The following CBX1 variants were observed in gnomAD, a reference collection of about 807,000 sequenced individuals.
CBX1 encodes the protein chromobox 1, also known as chromobox protein homolog 1.
CBX1 carries 10 observed loss-of-function variants against 25.1 expected under a neutral mutation model. The observed-to-expected ratio is 0.40, with a 90% confidence interval of 0.25 to 0.68. CBX1 has a LOEUF of 0.68. CBX1 is among the 30% of genes least tolerant of loss of function. The probability of loss-of-function intolerance (pLI) is 0.40; values close to 1 mark genes in which losing one functional copy is unlikely to be tolerated. For synonymous variants in CBX1, 63 were observed against 79.4 expected (o/e 0.79, Z 1.10); for missense variants, 106 against 218.5 (o/e 0.49, Z 3.25).
rs976811471 is a variant in CBX1 at position 48,101,038 on chromosome 17, C to T, written c.-38+230G>A. 45 of 985,688 alleles carry T rather than the reference C, an allele frequency of 4.6e-5. No homozygotes were observed. The African/African-American group carries it at 7.2e-4, about 16-fold the overall frequency. The allele number at this position is 985,688 out of a possible 1,614,324, so 61.1% of individuals were successfully genotyped here. A position where few individuals can be genotyped will look rare whatever the true frequency, so the allele number is the denominator to read the frequency against. ...CGGCCCACCCCCAAGCACTCAGTCTCTGGCTCAGGATTCGCGCCCCGCCCT... is the reference window on the plus strand; with the variant it reads ...CGGCCCACCCCCAAGCACTCAGTCTTTGGCTCAGGATTCGCGCCCCGCCCT... On this transcript the variant is annotated intron_variant, in intron 1 of 4. Coordinates refer to ENST00000225603, the MANE Select transcript of CBX1 (RefSeq NM_001127228.2).
At chr17:48,082,913 C>G (rs1334590489) in intron 1 of CBX1, among the ~76,000 whole-genome samples, 1 of 145,396 alleles carries the variant, frequency 6.9e-6, no homozygotes. Context: ...GTCACCCAGG[C>G]TGGAGTGCAA....
At chr17:48,074,863 G>T (rs910998639) in intron 4 of CBX1, 143 bp downstream of exon 4, 16 of 699,022 alleles carry the variant, frequency 2.3e-5, no homozygotes, top group Admixed American at 1.3e-4. Context: ...CAGTCAGGCC[G>T]AGGGTCACTA....
In CBX1 at chr17:48,071,595, A is replaced by C; in HGVS notation, c.414-16T>G. On this transcript the variant is annotated splice_polypyrimidine_tract_variant and intron_variant, in intron 4 of 4. Coordinates refer to ENST00000225603, the MANE Select transcript of CBX1 (RefSeq NM_001127228.2). Reference sequence around the variant, plus strand: ...AGAGTTTTTCCTGCAGAATAAAGCAAAGAGAGACTTTGAGACCAGGTGCTG... The same window carrying C: ...AGAGTTTTTCCTGCAGAATAAAGCACAGAGAGACTTTGAGACCAGGTGCTG... 1 of 1,584,472 alleles carries C rather than the reference A, an allele frequency of 6.3e-7. No individual in the cohort carries two copies. Among genetic ancestry groups the C allele is most frequent in the Non-Finnish European group, 8.6e-7 (1 of 1,166,220 alleles).
intron 1 of CBX1, among the ~76,000 whole-genome samples, chr17:48,098,760 A>G (rs1598319792): frequency 6.6e-6 from 1 of 152,360 alleles, no homozygotes; most frequent in East Asian, 1.9e-4. Flanking sequence ...CTCTTCGTGG[A>G]AAGAACCTAT....
intron 1 of CBX1, 128 bp downstream of exon 1, chr17:48,101,140 C>G: frequency 1.0e-6 from 1 of 986,552 alleles, no homozygotes; most frequent in Non-Finnish European, 1.2e-6. Flanking sequence ...AGAAGCAGGA[C>G]GCTGGACCCG....
intron 2 of CBX1, 102 bp from the exon 3 acceptor site, chr17:48,076,280 C>G: frequency 1.1e-6 from 1 of 948,726 alleles, no homozygotes; most frequent in Non-Finnish European, 1.5e-6. Context: ...TATGGAAAAG[C>G]TGAAATTCTT....
At chr17:48,091,377 G>T (rs1247611204) in intron 1 of CBX1, among the ~76,000 whole-genome samples, 2 of 150,856 alleles carry the variant, frequency 1.3e-5, no homozygotes, top group African/African-American at 2.4e-5. Context: ...AGATCTTCTA[G>T]CTTTTTTTTT....
intron 4 of CBX1, 161 bp downstream of exon 4, chr17:48,074,845 C>A (rs1447367048): frequency 6.1e-6 from 4 of 652,564 alleles, no homozygotes; most frequent in Non-Finnish European, 1.1e-5. Flanking sequence ...CTCATGAGTC[C>A]AGGGTGGCAG....
intron 1 of CBX1, among the ~76,000 whole-genome samples, chr17:48,091,030 C>A (rs764785420): frequency 1.3e-5 from 2 of 152,162 alleles, no homozygotes; most frequent in Non-Finnish European, 2.9e-5. Context: ...AAGCAAATTT[C>A]TTTAGAATAA....
In CBX1 at chr17:48,070,429, T is replaced by A. The variant is rs755670909; in HGVS notation, c.*1006A>T. 2.6e-5 allele frequency: 4 copies of A among 152,620 alleles called. No homozygotes were observed. The highest frequency in any genetic ancestry group is 5.9e-5 in the Non-Finnish European group (4 of 68,042). 9.5% of individuals were successfully genotyped at this position (152,620 alleles called of 1,614,324 possible). On this transcript the variant is annotated 3_prime_UTR_variant, in exon 5 of 5. Coordinates refer to ENST00000225603, the MANE Select transcript of CBX1 (RefSeq NM_001127228.2). ...TGAACCCTGCCAACAATGGTTTCAG[T>A]GTTCAAAGCTCAAAGTAAACGGCTC...
chr17:48,101,228 C>G (rs1422392613), intron 1 of CBX1, 40 bp downstream of exon 1: 12 of 990,106 alleles, frequency 1.2e-5, no homozygotes, highest in Non-Finnish European at 1.4e-5. Context: ...CGCCGCCGCG[C>G]CCCCTCCCCC....
chr17:48,091,732 G>A (rs1332733518), intron 1 of CBX1, among the ~76,000 whole-genome samples: 26 of 151,062 alleles, frequency 1.7e-4, no homozygotes, highest in South Asian at 6.3e-4. Flanking sequence ...TAGTAGAGAC[G>A]GGGTTTTACC....
intron 1 of CBX1, among the ~76,000 whole-genome samples, chr17:48,093,648 A>G (rs2063356539): frequency 6.6e-6 from 1 of 152,202 alleles, no homozygotes; most frequent in South Asian, 2.1e-4. Context: ...CCTCCCATTT[A>G]AAACAAAAGG....
At chr17:48,078,837 T>C in intron 1 of CBX1, among the ~76,000 whole-genome samples, 1 of 125,694 alleles carries the variant, frequency 8.0e-6, no homozygotes, top group Non-Finnish European at 1.6e-5. Context: ...CAGCCCAGGC[T>C]GGAGTGCAGT....
At chr17:48,075,845 T>A (rs1481696766) in intron 3 of CBX1, 156 bp downstream of exon 3, 3 of 545,646 alleles carry the variant, frequency 5.5e-6, no homozygotes, top group Non-Finnish European at 9.6e-6. Context: ...ATCATGTGGC[T>A]TCATGACAGT....
At chr17:48,075,821 A>G (rs539628772) in intron 3 of CBX1, among the ~76,000 whole-genome samples, 180 bp downstream of exon 3, 2 of 152,308 alleles carry the variant, frequency 1.3e-5, no homozygotes, top group African/African-American at 4.8e-5. Flanking sequence ...TGTACCATGG[A>G]TAAAAAGTAA....
In CBX1 at chr17:48,101,290, C is replaced by G; in HGVS notation, c.-60G>C. The stretch of plus-strand genomic sequence containing the variant: ...CACCTCAGAGCAGCGCCCAAGAGCC[C>G]GAGAGGAATCGGTGCTGCGCTGCTG... On this transcript the variant is annotated 5_prime_UTR_variant, in exon 1 of 5. Transcript: ENST00000225603. The G allele has an allele frequency of 1.0e-6, 1 of 986,424 alleles. No individual in the cohort carries two copies. Among genetic ancestry groups the G allele is most frequent in the South Asian group, 4.5e-5 (1 of 22,124 alleles). 61.1% of individuals were successfully genotyped at this position (986,424 alleles called of 1,614,324 possible). A position where few individuals can be genotyped will look rare whatever the true frequency, so the allele number is the denominator to read the frequency against.
rs1188618773 is a variant in CBX1, at chr17:48,101,328, G to T, written c.-98C>A. ...TGCTGCGCTGCTGGCGCGTCGCGTC[G>T]GGTCGCCTGGGGGAGTGGCGCCCAG... On this transcript the variant is annotated 5_prime_UTR_variant, in exon 1 of 5. Transcript: ENST00000225603. 5 of 986,166 alleles carry T rather than the reference G, an allele frequency of 5.1e-6. No homozygotes were observed. The East Asian group carries it at 4.5e-4, about 90-fold the overall frequency. The allele number at this position is 986,166 out of a possible 1,614,324, so 61.1% of individuals were successfully genotyped here. A position where few individuals can be genotyped will look rare whatever the true frequency, so the allele number is the denominator to read the frequency against.
At chr17:48,082,553 T>G (rs1397135824) in intron 1 of CBX1, among the ~76,000 whole-genome samples, 1 of 149,156 alleles carries the variant, frequency 6.7e-6, no homozygotes, top group Non-Finnish European at 1.5e-5. Flanking sequence ...TTTTATTTAT[T>G]TTTTTGAGAT....
Sources: gnomAD v4.1 joint callset for allele counts (sites outside exome capture counted in the v4.1 genomes callset) on GRCh38, gnomAD v4.1.1 for gene constraint, MANE v1.5 for transcripts, NCBI Gene and HGNC (gene_info 2026-07-23, HGNC 2026-07-21) for gene names.